LSAMP: variants seen among roughly 807,000 people sequenced by gnomAD.
LSAMP encodes limbic system associated membrane protein.
LSAMP carries 7 observed loss-of-function variants against 38.6 expected under a neutral mutation model. That is an observed-to-expected ratio of 0.18 (90% CI 0.10 to 0.34). The LOEUF (loss-of-function observed/expected upper bound fraction) is 0.34. Among genes scored for constraint, LSAMP ranks in the 10% least tolerant of loss-of-function variants. LSAMP has a pLI of 1.00. For missense variants in LSAMP, 313 were observed against 420.0 expected, an observed-to-expected ratio of 0.75 and a Z score of 2.23; for synonymous variants, 154 against 166.8, an observed-to-expected ratio of 0.92 and a Z score of 0.59.
intron 3 of LSAMP, among the ~76,000 whole-genome samples, chr3:115,952,602 C>T (rs1938326932): frequency 6.6e-6 from 1 of 152,144 alleles, no homozygotes; most frequent in African/African-American, 2.4e-5. Flanking sequence ...TAAAAGACCA[C>T]ATATTGGGTA....
chr3:116,392,132 A>G (rs7630011), intron 1 of LSAMP, among the ~76,000 whole-genome samples: 24,219 of 152,200 alleles, frequency 0.16, 2,272 homozygotes, highest in African/African-American at 0.26. Flanking sequence ...ACACCAGGCT[A>G]CAAAGAGGCA....
rs141237854 is a variant in LSAMP at position 115,970,020 on chromosome 3, A to C, written c.514+49495T>G. Among the ~76,000 whole-genome samples, 646 of 152,318 alleles carry C rather than the reference A, an allele frequency of 4.2e-3. 2 individuals carry two copies. The highest frequency in any genetic ancestry group is 0.015 in the African/African-American group (621 of 41,574). On this transcript the variant is annotated intron_variant, in intron 3 of 6. Transcript: ENST00000490035. Reference sequence around the variant, plus strand: ...GAATATATAACTGATTAATGACAATACTTCTGAGAGGTTGGAAGATGAGAC... The same window carrying C: ...GAATATATAACTGATTAATGACAATCCTTCTGAGAGGTTGGAAGATGAGAC...
intron 1 of LSAMP, among the ~76,000 whole-genome samples, chr3:116,125,333 T>C (rs1480989580): frequency 6.6e-6 from 1 of 152,054 alleles, no homozygotes; most frequent in African/African-American, 2.4e-5. Context: ...TTCTTTCCCT[T>C]GCATAGTTAT....
At chr3:115,927,514 A>G (rs1937517217) in intron 3 of LSAMP, among the ~76,000 whole-genome samples, 1 of 152,126 alleles carries the variant, frequency 6.6e-6, no homozygotes, top group South Asian at 2.1e-4. Flanking sequence ...TTTCCAAAAG[A>G]AAGAGACAAC....
intron 1 of LSAMP, among the ~76,000 whole-genome samples, chr3:116,419,508 C>A (rs903828679): frequency 2.2e-4 from 34 of 152,194 alleles, no homozygotes; most frequent in African/African-American, 8.0e-4. Context: ...GAGGTCTAGA[C>A]AGTGAGGAGC....
intron 6 of LSAMP, among the ~76,000 whole-genome samples, chr3:115,839,319 T>TTCCTTCCTTCCTTCCTTCCC (rs1934920703): frequency 7.1e-6 from 1 of 140,542 alleles, no homozygotes; most frequent in Non-Finnish European, 1.6e-5. Flanking sequence ...CCTTCCTTCC[T>TTCCTTCCTTCCTTCCTTCCC]TTTTTCCTTG....
intron 4 of LSAMP, among the ~76,000 whole-genome samples, chr3:115,848,482 A>C (rs1376248222): frequency 6.6e-6 from 1 of 152,234 alleles, no homozygotes; most frequent in Non-Finnish European, 1.5e-5. Context: ...TGATTTTTGA[A>C]TCAAATCACT....
chr3:115,914,871 T>C (rs1251005713), intron 3 of LSAMP, among the ~76,000 whole-genome samples: 3 of 152,204 alleles, frequency 2.0e-5, no homozygotes, highest in Non-Finnish European at 4.4e-5. Flanking sequence ...TAGGATTCTT[T>C]TGCACTGCTG....
intron 1 of LSAMP, among the ~76,000 whole-genome samples, chr3:116,244,987 T>C (rs6766791): frequency 0.99 from 150,296 of 152,300 alleles, 74,201 homozygotes; most frequent in Middle Eastern, 1. Flanking sequence ...ATCATCATAG[T>C]TATTAGGTTA....
At chr3:116,359,911 G>C (rs1263512771) in intron 1 of LSAMP, 1 of 152,206 alleles carries the variant, frequency 6.6e-6, no homozygotes, top group Non-Finnish European at 1.5e-5. Context: ...TCAAGACATA[G>C]GCACAGGCAA....
chr3:116,033,067 TG>T (rs938784825), intron 2 of LSAMP, among the ~76,000 whole-genome samples: 3 of 152,174 alleles, frequency 2.0e-5, no homozygotes, highest in Non-Finnish European at 2.9e-5. Context: ...TTTCTGATTT[TG>T]AGGTATTTTT....
At chr3:116,280,053 GC>G (rs1347252297) in intron 1 of LSAMP, among the ~76,000 whole-genome samples, 1 of 152,064 alleles carries the variant, frequency 6.6e-6, no homozygotes, top group Non-Finnish European at 1.5e-5. Context: ...AATACTGGTG[GC>G]TTTAATTACT....
chr3:116,043,868 C>G (rs147187830), intron 2 of LSAMP, among the ~76,000 whole-genome samples: 164 of 152,348 alleles, frequency 1.1e-3, no homozygotes, highest in African/African-American at 3.1e-3. Context: ...ATGGCGTGAA[C>G]CGGTCAGGCG....
At chr3:116,385,027 A>G (rs2048606903) in intron 1 of LSAMP, among the ~76,000 whole-genome samples, 2 of 152,084 alleles carry the variant, frequency 1.3e-5, no homozygotes, top group Non-Finnish European at 2.9e-5. Flanking sequence ...GGGTGCATGT[A>G]AGTTACTGAG....
chr3:116,044,820 G>C (rs1188615656), intron 2 of LSAMP, among the ~76,000 whole-genome samples: 1 of 152,118 alleles, frequency 6.6e-6, no homozygotes, highest in Non-Finnish European at 1.5e-5. Flanking sequence ...GGTGAGCATG[G>C]GGAGCTCAGG....
intron 1 of LSAMP, among the ~76,000 whole-genome samples, chr3:116,101,294 AT>A (rs1324108268): frequency 6.6e-6 from 1 of 152,170 alleles, no homozygotes; most frequent in Non-Finnish European, 1.5e-5. Context: ...CAGGTATCTT[AT>A]TTCCCTATAT....
intron 1 of LSAMP, among the ~76,000 whole-genome samples, chr3:116,300,892 G>A (rs1044695469): frequency 1.3e-5 from 2 of 152,000 alleles, no homozygotes; most frequent in Non-Finnish European, 2.9e-5. Context: ...AAAACGAAAT[G>A]CTCATTTTGG....
At chr3:116,286,303 T>C (rs2047193820) in intron 1 of LSAMP, among the ~76,000 whole-genome samples, 1 of 152,192 alleles carries the variant, frequency 6.6e-6, no homozygotes, top group Non-Finnish European at 1.5e-5. Flanking sequence ...ATTTATCCCA[T>C]AAAATTTTTA....
intron 1 of LSAMP, among the ~76,000 whole-genome samples, chr3:116,107,588 G>A (rs1313389285): frequency 1.3e-5 from 2 of 152,158 alleles, no homozygotes; most frequent in East Asian, 3.9e-4. Context: ...TCAGCAGGGC[G>A]AGCATGTGTG....
Sources: gnomAD v4.1 joint callset for allele counts (sites outside exome capture counted in the v4.1 genomes callset) on GRCh38, gnomAD v4.1.1 for gene constraint, MANE v1.5 for transcripts, NCBI Gene and HGNC (gene_info 2026-07-23, HGNC 2026-07-21) for gene names.